The following LMBR1 variants were observed in gnomAD, a reference collection of about 807,000 sequenced individuals.
The protein encoded by LMBR1 is limb development membrane protein 1, also known as limb region 1 protein homolog.
A neutral mutation model predicts 73.9 loss-of-function variants in LMBR1; 52 were observed. The ratio of observed to expected loss-of-function variants is 0.70; its 90% CI spans 0.56 to 0.89. The LOEUF is 0.89. Ranked by LOEUF, LMBR1 falls within the 40% of genes least tolerant of loss-of-function variation. The pLI is 0.00. For missense variants in LMBR1, 539 were observed against 579.8 expected (o/e 0.93, Z 0.72); for synonymous variants, 215 against 209.4 (o/e 1.03, Z -0.23).
rs1804575088 is a variant in LMBR1, at chr7:156,679,119, C to T, written c.*4959G>A. 6.6e-6 allele frequency: 1 copy of T among 152,132 alleles called. No homozygotes were observed. Among genetic ancestry groups the T allele is most frequent in the Non-Finnish European group, 1.5e-5 (1 of 68,050 alleles). The allele number at this position is 152,132 out of a possible 1,614,324, so 9.4% of individuals were successfully genotyped here. On this transcript the variant is annotated 3_prime_UTR_variant, in exon 17 of 17. Transcript: ENST00000353442. The stretch of plus-strand genomic sequence containing the variant: ...TCATCTGCCCACTGTAAGCGTGACC[C>T]CAGGCAAATGTCTGCAGCTTTCTCA...
chr7:156,816,226 G>A (rs930045106), intron 4 of LMBR1, among the ~76,000 whole-genome samples: 9 of 151,404 alleles, frequency 5.9e-5, no homozygotes, highest in Admixed American at 3.9e-4. Context: ...TCTTTTTGGA[G>A]ACAGAGTCTC....
At chr7:156,731,346 A>G (rs1182251131) in intron 10 of LMBR1, among the ~76,000 whole-genome samples, 3 of 152,230 alleles carry the variant, frequency 2.0e-5, no homozygotes, top group African/African-American at 7.2e-5. Flanking sequence ...AGCAGAAGCA[A>G]TATCTGATAA....
chr7:156,872,809 T>C (rs953542382), intron 1 of LMBR1, among the ~76,000 whole-genome samples: 1 of 150,928 alleles, frequency 6.6e-6, no homozygotes, highest in Non-Finnish European at 1.5e-5. Context: ...TCAGACAGAG[T>C]AGTGTGTGGA....
At chr7:156,786,829 TATA>T (rs1392347006) in intron 5 of LMBR1, among the ~76,000 whole-genome samples, 2 of 152,214 alleles carry the variant, frequency 1.3e-5, no homozygotes, top group African/African-American at 4.8e-5. Flanking sequence ...AATCTTAAAT[TATA>T]ATAAATCAAC....
At chr7:156,723,516 TACTC>T (rs138468249) in intron 15 of LMBR1, among the ~76,000 whole-genome samples, 387 of 152,254 alleles carry the variant, frequency 2.5e-3, no homozygotes, top group Non-Finnish European at 4.4e-3. Context: ...AGGGAAGACT[TACTC>T]AACTATTTCA....
chr7:156,710,215 A>C (rs956958804), intron 15 of LMBR1, among the ~76,000 whole-genome samples: 1 of 152,002 alleles, frequency 6.6e-6, no homozygotes, highest in Admixed American at 6.6e-5. Context: ...CAGAAGGTTG[A>C]TTATTAAGCT....
At chr7:156,781,447 T>C (rs1027267264) in intron 5 of LMBR1, among the ~76,000 whole-genome samples, 1 of 152,118 alleles carries the variant, frequency 6.6e-6, no homozygotes, top group African/African-American at 2.4e-5. Flanking sequence ...CATCTCTCAA[T>C]AAATAATAGC....
intron 4 of LMBR1, among the ~76,000 whole-genome samples, chr7:156,810,080 G>A (rs985233480): frequency 1.3e-4 from 19 of 150,354 alleles, no homozygotes; most frequent in Non-Finnish European, 2.2e-4. Context: ...AAAAAAAAAA[G>A]AGAGAGATTT....
At chr7:156,755,971 GA>G (rs1563286278) in intron 9 of LMBR1, among the ~76,000 whole-genome samples, 1 of 152,142 alleles carries the variant, frequency 6.6e-6, no homozygotes, top group Non-Finnish European at 1.5e-5. Flanking sequence ...TTGTTGGCGG[GA>G]GACTGGCTTT....
chr7:156,828,050 T>C (rs996424336), intron 3 of LMBR1, among the ~76,000 whole-genome samples: 1 of 152,210 alleles, frequency 6.6e-6, no homozygotes, highest in African/African-American at 2.4e-5. Flanking sequence ...TCCAGCAAGC[T>C]TCTCCAGTCA....
In LMBR1 at chr7:156,682,364, A is replaced by T. The variant is rs1805207871; in HGVS notation, c.*1714T>A. The T allele has an allele frequency of 6.6e-6, 1 of 152,228 alleles. No individual in the cohort carries two copies. The allele number at this position is 152,228 out of a possible 1,614,324, so 9.4% of individuals were successfully genotyped here. On this transcript the variant is annotated 3_prime_UTR_variant, in exon 17 of 17. Coordinates refer to ENST00000353442, the MANE Select transcript of LMBR1 (RefSeq NM_022458.4). ...TCCCTTCACTTGGTCTGCTCAAAGTATGGACTCCAAGCTTCACTAAAAATC... is the reference window on the plus strand; with the variant it reads ...TCCCTTCACTTGGTCTGCTCAAAGTTTGGACTCCAAGCTTCACTAAAAATC...
intron 9 of LMBR1, among the ~76,000 whole-genome samples, chr7:156,753,457 G>A (rs559785064): frequency 1.5e-4 from 23 of 152,214 alleles, no homozygotes; most frequent in African/African-American, 4.8e-4. Flanking sequence ...TCACATGAGC[G>A]GGTGGCAGGA....
At chr7:156,869,706 T>C (rs1379337441) in intron 1 of LMBR1, among the ~76,000 whole-genome samples, 52 of 152,090 alleles carry the variant, frequency 3.4e-4, no homozygotes, top group Non-Finnish European at 7.4e-5. Flanking sequence ...AGTAAAAGCC[T>C]GAATAGATTT....
At chr7:156,886,606 T>C (rs921664840) in intron 1 of LMBR1, among the ~76,000 whole-genome samples, 19 of 152,200 alleles carry the variant, frequency 1.2e-4, no homozygotes, top group African/African-American at 4.3e-4. Context: ...TAGTTATGGC[T>C]TGTGGAACAG....
intron 1 of LMBR1, among the ~76,000 whole-genome samples, chr7:156,881,996 T>C (rs1310412142): frequency 6.6e-6 from 1 of 152,168 alleles, no homozygotes; most frequent in Non-Finnish European, 1.5e-5. Context: ...AGAATCACCA[T>C]CACAATCTCA....
chr7:156,874,509 G>A (rs766311733), intron 1 of LMBR1, among the ~76,000 whole-genome samples: 1 of 152,242 alleles, frequency 6.6e-6, no homozygotes, highest in Non-Finnish European at 1.5e-5. Context: ...GCCCAGGCAG[G>A]GGAGGCGCCA....
intron 9 of LMBR1, among the ~76,000 whole-genome samples, chr7:156,750,190 T>C (rs1054932563): frequency 1.3e-5 from 2 of 152,202 alleles, no homozygotes; most frequent in African/African-American, 4.8e-5. Context: ...CTTCCAAAGT[T>C]ACCCAGTACA....
At chr7:156,749,734 G>A (rs1048026759) in intron 9 of LMBR1, among the ~76,000 whole-genome samples, 5 of 152,092 alleles carry the variant, frequency 3.3e-5, no homozygotes, top group Non-Finnish European at 5.9e-5. Context: ...CTGTTGCCCA[G>A]GCTGGGGTGC....
At chr7:156,752,557 G>A (rs1252540452) in intron 9 of LMBR1, among the ~76,000 whole-genome samples, 1 of 152,138 alleles carries the variant, frequency 6.6e-6, no homozygotes, top group Non-Finnish European at 1.5e-5. Flanking sequence ...CAGCATCGAA[G>A]GAAAAGGCAG....
Sources: allele counts gnomAD v4.1 joint callset (sites outside exome capture counted in the v4.1 genomes callset), GRCh38; gene constraint gnomAD v4.1.1; transcripts MANE v1.5; gene names NCBI Gene and HGNC (gene_info 2026-07-23, HGNC 2026-07-21).